The following GPC6 variants were observed in gnomAD, a reference collection of about 807,000 sequenced individuals.
The protein encoded by GPC6 is glypican 6.
Under a neutral mutation model 55.2 loss-of-function variants are expected in GPC6, and 14 were observed. The ratio of observed to expected loss-of-function variants is 0.25; its 90% CI spans 0.17 to 0.40. The LOEUF is 0.40. Ranked by LOEUF, GPC6 falls within the 10% of genes least tolerant of loss-of-function variation. The pLI, the probability that GPC6 is intolerant of heterozygous loss-of-function variation, is 1.00. For synonymous variants in GPC6, 278 were observed against 259.6 expected (o/e 1.07, Z -0.68); for missense variants, 641 against 708.5 (o/e 0.90, Z 1.08).
intron 3 of GPC6, among the ~76,000 whole-genome samples, chr13:94,015,839 T>C (rs1566290209): frequency 6.6e-6 from 1 of 152,218 alleles, no homozygotes; most frequent in Non-Finnish European, 1.5e-5. Flanking sequence ...GGTGTCTCAG[T>C]TCTATTTCAC....
chr13:93,702,099 A>G (rs1304554858), intron 2 of GPC6, among the ~76,000 whole-genome samples: 1 of 152,058 alleles, frequency 6.6e-6, no homozygotes, highest in Non-Finnish European at 1.5e-5. Flanking sequence ...TATCAATGGC[A>G]GTTATAGCCT....
intron 3 of GPC6, among the ~76,000 whole-genome samples, chr13:93,878,743 T>C (rs1874762705): frequency 6.6e-6 from 1 of 152,118 alleles, no homozygotes; most frequent in Non-Finnish European, 1.5e-5. Flanking sequence ...AAGCAGAGAC[T>C]GGGGCCCTCA....
intron 1 of GPC6, among the ~76,000 whole-genome samples, chr13:93,509,766 T>C (rs967881813): frequency 5.3e-5 from 8 of 152,204 alleles, no homozygotes; most frequent in African/African-American, 1.9e-4. Flanking sequence ...GTGCTTGTCA[T>C]TGAGAAAAAG....
intron 4 of GPC6, among the ~76,000 whole-genome samples, chr13:94,249,983 C>T (rs1157363390): frequency 6.6e-6 from 1 of 152,058 alleles, no homozygotes; most frequent in Admixed American, 6.6e-5. Flanking sequence ...TTTGCTCTTC[C>T]TATATTAAAG....
At chr13:94,386,109 CA>C (rs1404084301) in intron 7 of GPC6, among the ~76,000 whole-genome samples, 6 of 151,140 alleles carry the variant, frequency 4.0e-5, no homozygotes, top group Non-Finnish European at 7.4e-5. Context: ...CCTGTAATCC[CA>C]GCACTTTGGG....
intron 4 of GPC6, among the ~76,000 whole-genome samples, chr13:94,090,541 T>A (rs1320289780): frequency 6.6e-6 from 1 of 152,178 alleles, no homozygotes; most frequent in East Asian, 1.9e-4. Flanking sequence ...AACTGGGCTG[T>A]CACTGCTGTG....
At chr13:94,224,854 T>C (rs568530084) in intron 4 of GPC6, among the ~76,000 whole-genome samples, 171 of 152,282 alleles carry the variant, frequency 1.1e-3, no homozygotes, top group Admixed American at 2.0e-3. Flanking sequence ...CTGCTGAAAC[T>C]GAATGACTGC....
At chr13:94,122,731 A>T (rs1272531474) in intron 4 of GPC6, among the ~76,000 whole-genome samples, 1 of 152,092 alleles carries the variant, frequency 6.6e-6, no homozygotes, top group Non-Finnish European at 1.5e-5. Context: ...CCATATTTTA[A>T]ATTGCTGCAA....
intron 2 of GPC6, among the ~76,000 whole-genome samples, chr13:93,653,190 C>T (rs1247231471): frequency 6.6e-6 from 1 of 152,128 alleles, no homozygotes; most frequent in Admixed American, 6.5e-5. Context: ...CCTTGGGCAC[C>T]ACTGGCTTCC....
At chr13:94,076,374 C>A (rs1884915470) in intron 4 of GPC6, among the ~76,000 whole-genome samples, 1 of 151,810 alleles carries the variant, frequency 6.6e-6, no homozygotes, top group Non-Finnish European at 1.5e-5. Context: ...ATCTATCTAT[C>A]TATCTTACTA....
At chr13:94,286,045 A>G (rs1892521104) in intron 4 of GPC6, among the ~76,000 whole-genome samples, 1 of 152,150 alleles carries the variant, frequency 6.6e-6, no homozygotes, top group East Asian at 1.9e-4. Context: ...AATGCAGCTG[A>G]TCCCTGACCT....
chr13:93,417,779 G>A (rs1046597717), intron 1 of GPC6, among the ~76,000 whole-genome samples: 1 of 152,010 alleles, frequency 6.6e-6, no homozygotes, highest in Admixed American at 6.6e-5. Flanking sequence ...GAACTGGGAT[G>A]TAAATGAAAA....
At chr13:94,185,932 C>T (rs1317944128) in intron 4 of GPC6, among the ~76,000 whole-genome samples, 4 of 151,726 alleles carry the variant, frequency 2.6e-5, no homozygotes, top group African/African-American at 9.7e-5. Context: ...TGGTGGCAGG[C>T]CCCTGTAGTC....
Position 94,139,470 on chromosome 13 carries a change from C to T in GPC6, c.877+111576C>T, listed in dbSNP as rs549791862. Among the ~76,000 whole-genome samples the T allele has an allele frequency of 4.6e-5, 7 of 152,256 alleles. No homozygotes were observed. The South Asian group carries it at 1.5e-3, about 32-fold the overall frequency. On this transcript the variant is annotated intron_variant, in intron 4 of 8. Coordinates refer to ENST00000377047, the MANE Select transcript of GPC6 (RefSeq NM_005708.5). ...AATAAATATCTCCAGATTGGGGCTC[C>T]TTGGATCTCTCATTTCTTCTGTCAT...
chr13:93,663,168 A>G (rs1880995499), intron 2 of GPC6, among the ~76,000 whole-genome samples: 2 of 152,116 alleles, frequency 1.3e-5, no homozygotes. Flanking sequence ...AAAGCTAGAC[A>G]TAAAAAGCCT....
intron 1 of GPC6, among the ~76,000 whole-genome samples, chr13:93,305,262 T>C (rs902792698): frequency 6.0e-5 from 9 of 150,340 alleles, no homozygotes; most frequent in Admixed American, 5.3e-4. Flanking sequence ...TGTGTGTGTG[T>C]TTTTGTTTTG....
chr13:93,258,565 AT>A (rs1274412110), intron 1 of GPC6, among the ~76,000 whole-genome samples: 5 of 152,142 alleles, frequency 3.3e-5, no homozygotes, highest in Admixed American at 1.3e-4. Flanking sequence ...TAAATTAGCC[AT>A]AATTAGTTTC....
At chr13:93,361,961 G>T (rs1281873746) in intron 1 of GPC6, among the ~76,000 whole-genome samples, 1 of 152,182 alleles carries the variant, frequency 6.6e-6, no homozygotes, top group African/African-American at 2.4e-5. Flanking sequence ...TCTTTCACTT[G>T]TGACTGGATG....
intron 3 of GPC6, among the ~76,000 whole-genome samples, chr13:93,963,794 A>G (rs1350522330): frequency 6.6e-6 from 1 of 152,226 alleles, no homozygotes. Context: ...TAATTTTCAA[A>G]CAGAATTTCA....
Sources: allele counts gnomAD v4.1 joint callset (sites outside exome capture counted in the v4.1 genomes callset), GRCh38; gene constraint gnomAD v4.1.1; transcripts MANE v1.5; gene names NCBI Gene and HGNC (gene_info 2026-07-23, HGNC 2026-07-21).